CRB1: variants seen among roughly 807,000 people sequenced by gnomAD.
CRB1 encodes the protein crumbs cell polarity complex component 1, also known as protein crumbs homolog 1.
In CRB1, 83 loss-of-function variants were observed where a neutral mutation model predicts 120.0. The ratio of observed to expected loss-of-function variants is 0.69; its 90% CI spans 0.58 to 0.83. CRB1 has a LOEUF of 0.83. Ranked by LOEUF, CRB1 falls within the 40% of genes least tolerant of loss-of-function variation. The pLI is 0.00. For missense variants in CRB1, 1,699 were observed against 1,687.6 expected, an observed-to-expected ratio of 1.01 and a Z score of -0.12; for synonymous variants, 625 against 612.5, an observed-to-expected ratio of 1.02 and a Z score of -0.30.
At chr1:197,395,638 C>T (rs896582274) in intron 5 of CRB1, among the ~76,000 whole-genome samples, 24 of 152,120 alleles carry the variant, frequency 1.6e-4, no homozygotes, top group African/African-American at 4.8e-4. Context: ...CATGACTCAA[C>T]ACCTACTGTG....
intron 4 of CRB1, among the ~76,000 whole-genome samples, chr1:197,354,225 T>G (rs1039671426): frequency 6.6e-6 from 1 of 152,180 alleles, no homozygotes; most frequent in Admixed American, 6.5e-5. Context: ...CTAGAGATGT[T>G]TGGCAGCTTT....
chr1:197,306,133 T>C (rs1657160435), intron 1 of CRB1, among the ~76,000 whole-genome samples: 1 of 151,996 alleles, frequency 6.6e-6, no homozygotes, highest in African/African-American at 2.4e-5. Flanking sequence ...GGAAGCAGGG[T>C]AGGGCACATA....
At chr1:197,330,576 C>T (rs1658790741) in intron 2 of CRB1, among the ~76,000 whole-genome samples, 1 of 152,116 alleles carries the variant, frequency 6.6e-6, no homozygotes, top group South Asian at 2.1e-4. Context: ...AATGTCCTTC[C>T]TCACTTCACA....
At chr1:197,280,621 T>G (rs1655464687) in intron 1 of CRB1, among the ~76,000 whole-genome samples, 2 of 151,900 alleles carry the variant, frequency 1.3e-5, no homozygotes, top group South Asian at 4.1e-4. Context: ...AAAACTCTAA[T>G]AGGCAGTAAT....
chr1:197,337,554 C>G (rs1315778077), intron 2 of CRB1, among the ~76,000 whole-genome samples: 1 of 152,108 alleles, frequency 6.6e-6, no homozygotes, highest in Non-Finnish European at 1.5e-5. Flanking sequence ...TTTCCATAGA[C>G]TATTTAGGCT....
At chr1:197,326,520 C>G (rs1051130779) in intron 1 of CRB1, among the ~76,000 whole-genome samples, 5 of 151,856 alleles carry the variant, frequency 3.3e-5, no homozygotes, top group Non-Finnish European at 5.9e-5. Context: ...CATCCCAGCT[C>G]TTTGGGAGGC....
chr1:197,222,190 G>T, the CRB1 span: 3 of 435,590 alleles, frequency 6.9e-6, no homozygotes, highest in East Asian at 1.6e-4. Context: ...CCCGCTCCTT[G>T]TTGCCCTGCA....
intron 11 of CRB1, among the ~76,000 whole-genome samples, chr1:197,449,534 T>G (rs531274420): frequency 1.1e-4 from 16 of 151,918 alleles, no homozygotes; most frequent in African/African-American, 3.1e-4. Context: ...GCCCGGCTAA[T>G]TTTTTGTATT....
At chr1:197,460,840 C>T (rs1666496728) in intron 11 of CRB1, among the ~76,000 whole-genome samples, 1 of 152,058 alleles carries the variant, frequency 6.6e-6, no homozygotes, top group Admixed American at 6.6e-5. Context: ...GAAGAGATGC[C>T]ATTACACATA....
At chr1:197,275,138 C>G (rs1275029587) in intron 1 of CRB1, among the ~76,000 whole-genome samples, 1 of 151,966 alleles carries the variant, frequency 6.6e-6, no homozygotes, top group African/African-American at 2.4e-5. Context: ...GTCTACCTCT[C>G]TTCTATTCTT....
At chr1:197,422,040 C>T (rs1664362254) in intron 6 of CRB1, 84 bp downstream of exon 6, 1 of 1,288,336 alleles carries the variant, frequency 7.8e-7, no homozygotes, top group African/African-American at 1.5e-5. Context: ...ACTGCTTCTG[C>T]CTGCTATGAA....
intron 7 of CRB1, among the ~76,000 whole-genome samples, chr1:197,428,593 G>A (rs1664716060): frequency 1.3e-5 from 2 of 152,144 alleles, no homozygotes; most frequent in Non-Finnish European, 2.9e-5. Flanking sequence ...ACGCATTTCT[G>A]TGTGTTGAGC....
intron 1 of CRB1, among the ~76,000 whole-genome samples, chr1:197,308,916 A>G (rs1255712728): frequency 6.6e-6 from 1 of 151,298 alleles, no homozygotes; most frequent in Non-Finnish European, 1.5e-5. Context: ...GTGGGTATAT[A>G]TATGTGGGTA....
At chr1:197,442,597 T>C in intron 11 of CRB1, 1 of 1,314,102 alleles carries the variant, frequency 7.6e-7, no homozygotes, top group Non-Finnish European at 1.0e-6. Context: ...AATATTTTCC[T>C]ATTCTAACTT....
intron 3 of CRB1, among the ~76,000 whole-genome samples, chr1:197,345,218 A>G (rs1362355503): frequency 6.6e-6 from 1 of 152,230 alleles, no homozygotes; most frequent in African/African-American, 2.4e-5. Flanking sequence ...ACAATTTTTA[A>G]CAAGATTAGC....
chr1:197,248,680 A>C, the CRB1 span, among the ~76,000 whole-genome samples: 30 of 152,122 alleles, frequency 2.0e-4, no homozygotes, highest in South Asian at 1.0e-3. Context: ...GGTCATGATT[A>C]AATTGTGTAC....
At chr1:197,289,938 CTG>C (rs1450409749) in intron 1 of CRB1, among the ~76,000 whole-genome samples, 3 of 151,080 alleles carry the variant, frequency 2.0e-5, no homozygotes, top group East Asian at 3.9e-4. Context: ...GATTATATAT[CTG>C]TAGCTATTTA....
the CRB1 span, among the ~76,000 whole-genome samples, chr1:197,254,693 G>A: frequency 1.3e-5 from 2 of 152,062 alleles, no homozygotes; most frequent in African/African-American, 4.8e-5. Flanking sequence ...GTCTTTAAAT[G>A]AAATATAATA....
At chr1:197,336,612 ATGTT>A (rs1659169789) in intron 2 of CRB1, among the ~76,000 whole-genome samples, 1 of 152,214 alleles carries the variant, frequency 6.6e-6, no homozygotes, top group African/African-American at 2.4e-5. Flanking sequence ...GTTTTGACAA[ATGTT>A]TGTTGAATGA....
Sources: gnomAD v4.1 joint callset for allele counts (sites outside exome capture counted in the v4.1 genomes callset) on GRCh38, gnomAD v4.1.1 for gene constraint, MANE v1.5 for transcripts, NCBI Gene and HGNC (gene_info 2026-07-23, HGNC 2026-07-21) for gene names.